Variants in METTL15 observed in about 807,000 individuals in gnomAD.
METTL15 encodes methyltransferase 15, mitochondrial 12S rRNA N4-cytidine, also known as 12S rRNA N(4)-cytidine methyltransferase METTL15.
METTL15 carries 34 observed loss-of-function variants against 38.3 expected under a neutral mutation model. That is an observed-to-expected ratio of 0.89 (90% CI 0.68 to 1.18). METTL15 has a LOEUF of 1.18. Ranked by LOEUF, METTL15 falls within the 50% of genes most tolerant of loss-of-function variation. METTL15 has a pLI of 0.00. For missense variants in METTL15, 438 were observed against 498.4 expected (o/e 0.88, Z 1.15); for synonymous variants, 162 against 170.9 (o/e 0.95, Z 0.41).
rs144147673 is a variant in METTL15 at position 28,348,243 on chromosome 11, G to A, written c.*190-3847G>A. Among the ~76,000 whole-genome samples, 196 of 152,304 alleles carry A rather than the reference G, an allele frequency of 1.3e-3. 1 individual carries two copies. The highest frequency in any genetic ancestry group is 4.5e-3 in the African/African-American group (187 of 41,572). On this transcript the variant is annotated intron_variant and NMD_transcript_variant, in intron 3 of 7. Coordinates refer to the METTL15 transcript ENST00000532947. ...CCTACTAGTTGTAGTGTCTGTTGAA[G>A]TTTCTTGCTTGGGTTAATTATTATG...
Position 28,331,936 on chromosome 11 carries a change from T to C in METTL15, c.*1095T>C, listed in dbSNP as rs1255743115. On this transcript the variant is annotated 3_prime_UTR_variant, in exon 7 of 7. Transcript: ENST00000407364. ...ACCATACATAGAAATAAATATTCTC[T>C]TAGTTATCCTTGAAATCATATTTAT... is the stretch of plus-strand genomic sequence containing the variant. 2.6e-5 allele frequency: 4 copies of C among 152,186 alleles called. No individual in the cohort carries two copies. The highest frequency in any genetic ancestry group is 6.5e-5 in the Admixed American group (1 of 15,280). The allele number at this position is 152,186 out of a possible 1,614,324, so 9.4% of individuals were successfully genotyped here.
chr11:28,393,276 A>G (rs1850530889), intron 5 of METTL15, among the ~76,000 whole-genome samples: 1 of 152,192 alleles, frequency 6.6e-6, no homozygotes, highest in Non-Finnish European at 1.5e-5. Context: ...GAAGTAGCGT[A>G]AATGTCCATT....
At chr11:28,266,213 A>G (rs1042059953) in intron 4 of METTL15, among the ~76,000 whole-genome samples, 6 of 152,228 alleles carry the variant, frequency 3.9e-5, no homozygotes, top group Admixed American at 1.3e-4. Context: ...TACTGGATAT[A>G]TACCCAAAGG....
At chr11:28,171,669 C>G (rs772054856) in intron 3 of METTL15, among the ~76,000 whole-genome samples, 1 of 152,146 alleles carries the variant, frequency 6.6e-6, no homozygotes, top group Non-Finnish European at 1.5e-5. Flanking sequence ...GGGTTCCTAA[C>G]AGAAAACCTC....
intron 6 of METTL15, among the ~76,000 whole-genome samples, chr11:28,303,903 GT>G (rs1292342493): frequency 6.6e-6 from 1 of 152,086 alleles, no homozygotes; most frequent in Non-Finnish European, 1.5e-5. Context: ...AAATTCTCAA[GT>G]TTTGTTTCTG....
intron 3 of METTL15, among the ~76,000 whole-genome samples, chr11:28,191,276 G>A (rs989672035): frequency 6.6e-6 from 1 of 150,590 alleles, no homozygotes; most frequent in African/African-American, 2.4e-5. Flanking sequence ...TCTGATTTGA[G>A]TATCAAGGTA....
chr11:28,373,559 T>C (rs915849125), intron 5 of METTL15, among the ~76,000 whole-genome samples: 8 of 152,114 alleles, frequency 5.3e-5, no homozygotes, highest in Admixed American at 1.3e-4. Context: ...TTCTCCCATT[T>C]TGTAGGTTGC....
intron 3 of METTL15, among the ~76,000 whole-genome samples, chr11:28,349,225 A>G (rs1038782112): frequency 6.6e-6 from 1 of 151,884 alleles, no homozygotes; most frequent in East Asian, 1.9e-4. Context: ...CCTGGTTCTC[A>G]TTATTCACAA....
intron 4 of METTL15, among the ~76,000 whole-genome samples, chr11:28,219,265 A>C (rs867346944): frequency 6.6e-6 from 1 of 152,078 alleles, no homozygotes; most frequent in Non-Finnish European, 1.5e-5. Context: ...CAGAGATTCA[A>C]CTTCTTCCTG....
chr11:28,179,320 TAAGTG>T (rs1851196724), intron 3 of METTL15, among the ~76,000 whole-genome samples: 1 of 151,810 alleles, frequency 6.6e-6, no homozygotes, highest in Non-Finnish European at 1.5e-5. Flanking sequence ...AGTTTTTTAT[TAAGTG>T]AAGTCTAGAA....
At position 28,305,285 on chromosome 11, in the gene METTL15, G is replaced by A. The variant is rs562202273; in HGVS notation, c.778+8354G>A. Among the ~76,000 whole-genome samples the A allele has an allele frequency of 3.3e-5, 5 of 152,240 alleles. No homozygotes were observed. In the East Asian group the frequency reaches 9.7e-4, roughly 29 times the overall value. On this transcript the variant is annotated intron_variant, in intron 6 of 6. Coordinates refer to ENST00000407364, the MANE Select transcript of METTL15 (RefSeq NM_001113528.2). ...TTCTCAGTTTGTGGCACCAAATGGG[G>A]AGCAGGGAATGTTCCAGTCGCAACT...
At chr11:28,378,689 G>A (rs184086644) in intron 5 of METTL15, among the ~76,000 whole-genome samples, 1 of 150,864 alleles carries the variant, frequency 6.6e-6, no homozygotes, top group East Asian at 2.0e-4. Context: ...CACCTGTTGT[G>A]TTCTTATCTT....
At chr11:28,380,281 C>T (rs887359552) in intron 5 of METTL15, among the ~76,000 whole-genome samples, 2 of 151,032 alleles carry the variant, frequency 1.3e-5, no homozygotes, top group African/African-American at 4.9e-5. Context: ...CATTCTCCTG[C>T]CTCAGCCTCC....
chr11:28,465,172 T>C (rs966872238), intron 6 of METTL15, among the ~76,000 whole-genome samples: 1 of 152,174 alleles, frequency 6.6e-6, no homozygotes, highest in African/African-American at 2.4e-5. Context: ...TAAGAAAGAT[T>C]AAGTCTTTCA....
At chr11:28,213,633 AT>A (rs1852733576) in intron 4 of METTL15, among the ~76,000 whole-genome samples, 2 of 150,296 alleles carry the variant, frequency 1.3e-5, no homozygotes, top group South Asian at 2.1e-4. Context: ...AAAAAAAAAA[AT>A]AGGAAAAAGC....
intron 4 of METTL15, among the ~76,000 whole-genome samples, chr11:28,240,682 A>G (rs1854254929): frequency 6.6e-6 from 1 of 152,144 alleles, no homozygotes; most frequent in African/African-American, 2.4e-5. Context: ...ATCTGCATTG[A>G]TGTATTGGCA....
intron 5 of METTL15, among the ~76,000 whole-genome samples, chr11:28,389,824 T>C (rs1472985341): frequency 1.3e-4 from 20 of 151,860 alleles, no homozygotes; most frequent in Non-Finnish European, 2.9e-4. Flanking sequence ...TCCACAATGG[T>C]TGAACTAGTT....
At chr11:28,497,433 A>G (rs1035971238) in intron 6 of METTL15, among the ~76,000 whole-genome samples, 2 of 152,206 alleles carry the variant, frequency 1.3e-5, no homozygotes, top group Non-Finnish European at 2.9e-5. Flanking sequence ...ATACTCTTCT[A>G]TATGTTCCTT....
rs564096536 is a variant in METTL15, at chr11:28,200,071, T to A, written c.271-10991T>A. Reference sequence around the variant, plus strand: ...CATAGTAATTGCATAGTAAATTGTATCTGTTGTCTTCCAAGTTATCCAAAT... The same window carrying A: ...CATAGTAATTGCATAGTAAATTGTAACTGTTGTCTTCCAAGTTATCCAAAT... On this transcript the variant is annotated intron_variant, in intron 3 of 6. Transcript: ENST00000407364. 8.5e-5 allele frequency among the ~76,000 whole-genome samples: 13 copies of A among 152,280 alleles called. No individual in the cohort carries two copies. The East Asian group carries it at 2.3e-3, about 27-fold the overall frequency.
Sources: allele counts gnomAD v4.1 joint callset (sites outside exome capture counted in the v4.1 genomes callset), GRCh38; gene constraint gnomAD v4.1.1; transcripts MANE v1.5; gene names NCBI Gene and HGNC (gene_info 2026-07-23, HGNC 2026-07-21).